SLC16A1: variants seen among roughly 807,000 people sequenced by gnomAD.
SLC16A1 encodes monocarboxylate transporter 1.
Under a neutral mutation model 32.2 loss-of-function variants are expected in SLC16A1, and 11 were observed. The observed-to-expected ratio is 0.34, with a 90% CI of 0.21 to 0.56. SLC16A1 has a LOEUF of 0.56. Among genes scored for constraint, SLC16A1 ranks in the 20% least tolerant of loss-of-function variants. SLC16A1 has a pLI of 0.87. For synonymous variants in SLC16A1, 231 were observed against 226.8 expected (o/e 1.02, Z -0.17); for missense variants, 435 against 615.0 (o/e 0.71, Z 3.10).
intron 1 of SLC16A1, chr1:112,955,679 C>G (rs527439108): frequency 6.6e-6 from 1 of 152,288 alleles, no homozygotes; most frequent in African/African-American, 2.4e-5. Context: ...CATGTTATCC[C>G]TTTTCCAGAT....
chr1:112,936,708 T>G (rs940723837), intron 1 of SLC16A1, among the ~76,000 whole-genome samples: 2 of 152,128 alleles, frequency 1.3e-5, no homozygotes, highest in African/African-American at 4.8e-5. Flanking sequence ...ACCTCTCTTT[T>G]GTAGTGGGAG....
intron 2 of SLC16A1, among the ~76,000 whole-genome samples, chr1:112,924,793 G>A (rs975707005): frequency 2.0e-5 from 3 of 152,042 alleles, no homozygotes; most frequent in African/African-American, 2.4e-5. Context: ...AGGCTGAGGC[G>A]AAGAATCACT....
chr1:112,933,365 T>C (rs914984199), intron 1 of SLC16A1, among the ~76,000 whole-genome samples: 5 of 150,196 alleles, frequency 3.3e-5, no homozygotes, highest in African/African-American at 9.8e-5. Flanking sequence ...GGCAAGAGAA[T>C]CGCTCGCTTG....
In SLC16A1 at chr1:112,917,437, C is replaced by T; in HGVS notation, c.969G>A (p.Lys323=). 6.2e-7 allele frequency: 1 copy of T among 1,614,194 alleles called. No individual in the cohort carries two copies. The highest frequency in any genetic ancestry group is 8.5e-7 in the Non-Finnish European group (1 of 1,180,032). The part of the protein sequence containing the change: ...RPSMGLVANT[K]PIRPRIQYFF... ...AATACTGAATTCGAGGTCTTATTGG[C>T]TTTGTGTTGGCTACAAGTCCCATAG... is the stretch of plus-strand genomic sequence containing the variant. The change falls in exon 4 of 5, where the codon AAG becomes AAA. Residue 323 remains lysine, a synonymous_variant. Transcript: ENST00000369626. The surrounding 1 kb of genome is among the most constrained non-coding windows in gnomAD (Gnocchi z 4.1).
intron 1 of SLC16A1, among the ~76,000 whole-genome samples, chr1:112,951,816 A>G (rs1649905786): frequency 6.6e-6 from 1 of 152,226 alleles, no homozygotes; most frequent in Non-Finnish European, 1.5e-5. Flanking sequence ...CAGTGTCTCA[A>G]TAACATAGCA....
chr1:112,939,800 C>T (rs1649442187), intron 1 of SLC16A1, among the ~76,000 whole-genome samples: 2 of 152,076 alleles, frequency 1.3e-5, no homozygotes, highest in Admixed American at 6.6e-5. Context: ...CCACCGTGCC[C>T]TGCATTTGTC....
chr1:112,913,944 G>A lies in SLC16A1; in HGVS notation c.1450C>T (p.Pro484Ser). The change falls in exon 5 of 5, where the codon CCG (proline) becomes TCG (serine). Residue 484 changes from proline (P) to serine (S), a missense_variant. Pro to Ser is a moderately conservative substitution (Grantham distance 74). Transcript: ENST00000369626. ...PNEVTKAAESPDQKDTDGGPK... is the reference protein window; with the variant it reads ...PNEVTKAAESSDQKDTDGGPK... ...CCTCCATCTGTGTCTTTCTGGTCCG[G>A]AGATTCTGCTGCTTTGGTAACTTCA... 2 of 1,614,126 alleles carry A rather than the reference G, an allele frequency of 1.2e-6. No individual in the cohort carries two copies. Among genetic ancestry groups the A allele is most frequent in the Non-Finnish European group, 1.7e-6 (2 of 1,180,010 alleles).
In SLC16A1 at chr1:112,929,392, C is replaced by T. The variant is rs1033062803; in HGVS notation, c.-44-40G>A. ...ATTAAAATAGTATGTCAATATAAGGCACACCTATAAAACTCTTTTGTGAAA... is the reference window on the plus strand; with the variant it reads ...ATTAAAATAGTATGTCAATATAAGGTACACCTATAAAACTCTTTTGTGAAA... On this transcript the variant is annotated intron_variant, in intron 1 of 4. Transcript: ENST00000369626. 4.5e-6 allele frequency: 5 copies of T among 1,108,018 alleles called. No individual in the cohort carries two copies. The South Asian group carries it at 6.5e-5, about 14-fold the overall frequency. The allele number at this position is 1,108,018 out of a possible 1,614,324, so 68.6% of individuals were successfully genotyped here. A position where few individuals can be genotyped will look rare whatever the true frequency, so the allele number is the denominator to read the frequency against.
At position 112,922,089 on chromosome 1, in the gene SLC16A1, C is replaced by T; in HGVS notation, c.262G>A (p.Val88Ile). ...ILVNKYGSRI[V>I]MIVGGCLSGC... is the part of the protein sequence containing the mutation. ...GACAAGCAGCCACCAACAATCATGA[C>T]TATACGACTTCCATATTTATTCACC... is the stretch of plus-strand genomic sequence containing the variant. Residue 88 changes from valine to isoleucine, a missense_variant, in exon 3 of 5, where the codon GTC (valine) becomes ATC (isoleucine). Transcript: ENST00000369626. 1 of 1,614,176 alleles carries T rather than the reference C, an allele frequency of 6.2e-7. No homozygotes were observed. Among genetic ancestry groups the T allele is most frequent in the Non-Finnish European group, 8.5e-7 (1 of 1,180,038 alleles).
intron 3 of SLC16A1, among the ~76,000 whole-genome samples, chr1:112,920,941 TACTG>T (rs778166700): frequency 2.6e-5 from 4 of 151,788 alleles, no homozygotes; most frequent in African/African-American, 4.8e-5. Context: ...AGATCGACTA[TACTG>T]ACTAATGCGA....
chr1:112,922,929 T>G (rs938365646), intron 2 of SLC16A1, among the ~76,000 whole-genome samples: 1 of 152,112 alleles, frequency 6.6e-6, no homozygotes, highest in African/African-American at 2.4e-5. Context: ...GTGTTTTTTT[T>G]GAGACGGAGT....
intron 1 of SLC16A1, among the ~76,000 whole-genome samples, chr1:112,947,734 TTGAG>T (rs1315418447): frequency 5.3e-5 from 8 of 152,340 alleles, no homozygotes; most frequent in Admixed American, 2.0e-4. Context: ...TAAAAATTCC[TTGAG>T]TAAGTCTGAA....
At chr1:112,951,488 A>T (rs541231500) in intron 1 of SLC16A1, among the ~76,000 whole-genome samples, 1 of 152,224 alleles carries the variant, frequency 6.6e-6, no homozygotes, top group Non-Finnish European at 1.5e-5. Flanking sequence ...CTGGAAAAGC[A>T]GATCATCAAT....
intron 2 of SLC16A1, among the ~76,000 whole-genome samples, chr1:112,928,231 A>C (rs910023455): frequency 4.6e-5 from 7 of 152,330 alleles, no homozygotes; most frequent in African/African-American, 1.4e-4. Context: ...GGACGATTTA[A>C]TTACAGGCTT....
At chr1:112,925,516 C>T (rs900538506) in intron 2 of SLC16A1, among the ~76,000 whole-genome samples, 4 of 151,972 alleles carry the variant, frequency 2.6e-5, no homozygotes, top group Admixed American at 6.6e-5. Context: ...GTAGCTGGGA[C>T]TTCAGGTGCA....
intron 1 of SLC16A1, among the ~76,000 whole-genome samples, chr1:112,945,914 C>T (rs1649688009): frequency 6.6e-6 from 1 of 152,048 alleles, no homozygotes; most frequent in South Asian, 2.1e-4. Context: ...ATCACGTGAA[C>T]CCAGAGGCGG....
chr1:112,932,789 G>A (rs1422850038), intron 1 of SLC16A1, among the ~76,000 whole-genome samples: 21 of 76,370 alleles, frequency 2.7e-4, no homozygotes, highest in African/African-American at 7.5e-4. Flanking sequence ...GGGAGACTCC[G>A]TCGCAAAAAA....
Position 112,912,643 on chromosome 1 carries a change from T to G in SLC16A1, c.*1248A>C, listed in dbSNP as rs1017939681. The G allele has an allele frequency of 6.6e-6, 1 of 152,062 alleles. No individual in the cohort carries two copies. Among genetic ancestry groups the G allele is most frequent in the Non-Finnish European group, 1.5e-5 (1 of 68,010 alleles). The allele number at this position is 152,062 out of a possible 1,614,324, so 9.4% of individuals were successfully genotyped here. On this transcript the variant is annotated 3_prime_UTR_variant, in exon 5 of 5. Coordinates refer to ENST00000369626, the MANE Select transcript of SLC16A1 (RefSeq NM_003051.4). ...GGTTTGTGTGGAGGGTAAAAATGCA[T>G]CCAGCAATTCTAAGCACAACAATTT...
At chr1:112,919,560 T>C (rs1648643366) in intron 3 of SLC16A1, among the ~76,000 whole-genome samples, 1 of 152,162 alleles carries the variant, frequency 6.6e-6, no homozygotes, top group Admixed American at 6.5e-5. Context: ...CAGTAAAAAT[T>C]CGTCAGTGAA....
Sources: gnomAD v4.1 joint callset for allele counts (sites outside exome capture counted in the v4.1 genomes callset) on GRCh38, gnomAD v4.1.1 for gene constraint, Gnocchi (gnomAD v3.1) non-coding constraint, MANE v1.5 for transcripts, NCBI Gene and HGNC (gene_info 2026-07-23, HGNC 2026-07-21) for gene names.